Variants in ATG13 observed in about 807,000 individuals in gnomAD.
ATG13 encodes autophagy related 13.
Under a neutral mutation model 65.5 loss-of-function variants are expected in ATG13, and 23 were observed. The ratio of observed to expected loss-of-function variants is 0.35; its 90% CI spans 0.25 to 0.50. ATG13 has a LOEUF of 0.50. Among genes scored for constraint, ATG13 ranks in the 20% least tolerant of loss-of-function variants. The pLI, the probability that ATG13 is intolerant of heterozygous loss-of-function variation, is 0.98. For missense variants in ATG13, 566 were observed against 677.0 expected, an observed-to-expected ratio of 0.84 and a Z score of 1.82; for synonymous variants, 252 against 245.2, an observed-to-expected ratio of 1.03 and a Z score of -0.26.
At chr11:46,633,030 T>A (rs374011261) in intron 2 of ATG13, among the ~76,000 whole-genome samples, 2,763 of 107,954 alleles carry the variant, frequency 0.026, 32 homozygotes, top group Non-Finnish European at 0.036. Flanking sequence ...ATATATATTT[T>A]TTTTTTTTTT....
chr11:46,660,386 G>GTT lies in ATG13; in HGVS notation c.789+914_789+915dup, dbSNP rs34196614. ...GTGTTTTTATTTACTGTTGTTGTTG[G>GTT]TTTTTTTTTTTTTTCAATTTTTCTT... On this transcript the variant is annotated intron_variant, in intron 11 of 18. Coordinates refer to ENST00000683050, the MANE Select transcript of ATG13 (RefSeq NM_001346311.2). 8.5e-3 allele frequency among the ~76,000 whole-genome samples: 1,108 copies of GTT among 130,810 alleles called. 5 individuals carry two copies. Among genetic ancestry groups the GTT allele is most frequent in the East Asian group, 0.013 (57 of 4,518 alleles). The allele number at this position is 130,810 out of a possible 152,430, so 85.8% of individuals were successfully genotyped here. A position where few individuals can be genotyped will look rare whatever the true frequency, so the allele number is the denominator to read the frequency against.
At chr11:46,630,690 G>C (rs569431704) in intron 2 of ATG13, among the ~76,000 whole-genome samples, 7 of 148,834 alleles carry the variant, frequency 4.7e-5, no homozygotes, top group African/African-American at 1.5e-4. Flanking sequence ...GCCTACCTCA[G>C]CCTCCCAGTA....
rs536521034 is a variant in ATG13 at position 46,645,428 on chromosome 11, C to T, written c.150+9C>T. ...CAACGGGTTCAGATTGGGTAAAATT[C>T]TATTATTTACTAAGGTGTATACTGT... On this transcript the variant is annotated intron_variant, in intron 4 of 18. Transcript: ENST00000683050. 4.4e-6 allele frequency: 7 copies of T among 1,607,670 alleles called. No individual in the cohort carries two copies. In the South Asian group the frequency reaches 6.6e-5, roughly 15 times the overall value.
At chr11:46,659,604 G>T in intron 11 of ATG13, 119 bp downstream of exon 11, 3 of 780,446 alleles carry the variant, frequency 3.8e-6, no homozygotes, top group Non-Finnish European at 4.2e-6. Flanking sequence ...GTTTCAAAGG[G>T]GTTACTTTGA....
chr11:46,646,709 C>A (rs1409751053), intron 5 of ATG13, among the ~76,000 whole-genome samples: 2 of 151,944 alleles, frequency 1.3e-5, no homozygotes, highest in Non-Finnish European at 2.9e-5. Flanking sequence ...GGTAATCCGC[C>A]CACTTTCGGC....
At position 46,645,379 on chromosome 11, in the gene ATG13, T is replaced by G; in HGVS notation, c.110T>G (p.Ile37Ser). The change falls in exon 4 of 19, where the codon ATT (isoleucine) becomes AGT (serine). Residue 37 changes from isoleucine (I) to serine (S), a missense_variant. By Grantham distance (142) the Ile-to-Ser change is moderately radical. Transcript: ENST00000683050. ...VIVQARLGEK[I>S]CTRSSSSPTG... The stretch of plus-strand genomic sequence containing the variant: ...GTCCAGGCTCGGCTTGGTGAAAAGA[T>G]TTGCACTCGTTCATCATCTTCTCCA... The G allele has an allele frequency of 6.2e-7, 1 of 1,613,918 alleles. No individual in the cohort carries two copies. The highest frequency in any genetic ancestry group is 1.1e-5 in the South Asian group (1 of 91,074).
chr11:46,670,701 TGG>T (rs937738450), intron 18 of ATG13, among the ~76,000 whole-genome samples: 1 of 151,868 alleles, frequency 6.6e-6, no homozygotes, highest in Non-Finnish European at 1.5e-5. Flanking sequence ...CCAGCTGCCT[TGG>T]GAGGTGGAGG....
intron 2 of ATG13, among the ~76,000 whole-genome samples, chr11:46,642,355 G>A (rs576586092): frequency 7.8e-5 from 11 of 141,760 alleles, no homozygotes; most frequent in Admixed American, 3.0e-4. Flanking sequence ...ACCCAGGCTG[G>A]AGTGCAGTGG....
At chr11:46,619,902 G>A (rs1450285193) in intron 1 of ATG13, among the ~76,000 whole-genome samples, 5 of 150,774 alleles carry the variant, frequency 3.3e-5, no homozygotes, top group Admixed American at 1.3e-4. Flanking sequence ...AGTGTTGGGC[G>A]CCTGTAATCC....
At chr11:46,647,712 A>G (rs2057990605) in intron 5 of ATG13, among the ~76,000 whole-genome samples, 1 of 151,060 alleles carries the variant, frequency 6.6e-6, no homozygotes, top group African/African-American at 2.4e-5. Flanking sequence ...AGCTGGGAGT[A>G]TATGCTGCAC....
At chr11:46,643,369 A>G (rs533284757) in intron 2 of ATG13, among the ~76,000 whole-genome samples, 17 of 152,150 alleles carry the variant, frequency 1.1e-4, no homozygotes, top group Non-Finnish European at 2.1e-4. Context: ...AGCTATGGCC[A>G]TCTTGTTCTG....
At chr11:46,661,087 G>A (rs952803775) in intron 11 of ATG13, among the ~76,000 whole-genome samples, 1 of 151,964 alleles carries the variant, frequency 6.6e-6, no homozygotes, top group South Asian at 2.1e-4. Flanking sequence ...GTGCAGTAGC[G>A]CAATCTTGGC....
chr11:46,655,084 G>A (rs2059750433), intron 7 of ATG13, among the ~76,000 whole-genome samples: 1 of 151,380 alleles, frequency 6.6e-6, no homozygotes, highest in African/African-American at 2.4e-5. Flanking sequence ...GAGCGACAGA[G>A]CGAGACACTG....
At chr11:46,659,276 A>G (rs897657234) in intron 10 of ATG13, 116 bp from the exon 11 acceptor site, 5 of 754,026 alleles carry the variant, frequency 6.6e-6, no homozygotes, top group Non-Finnish European at 1.1e-5. Flanking sequence ...TGCCAGTACG[A>G]ACTGTGTGAA....
intron 1 of ATG13, among the ~76,000 whole-genome samples, chr11:46,619,615 C>A (rs926120729): frequency 6.6e-6 from 1 of 151,504 alleles, no homozygotes. Flanking sequence ...CTTGAACTCC[C>A]GACCTCAGGT....
chr11:46,622,364 G>A (rs1215718810), intron 1 of ATG13, among the ~76,000 whole-genome samples: 1 of 151,720 alleles, frequency 6.6e-6, no homozygotes, highest in Non-Finnish European at 1.5e-5. Flanking sequence ...TGATCCGCCT[G>A]CCTCGGTCTC....
intron 1 of ATG13, among the ~76,000 whole-genome samples, chr11:46,620,882 ACCT>A (rs1240300152): frequency 6.6e-6 from 1 of 152,178 alleles, no homozygotes; most frequent in African/African-American, 2.4e-5. Context: ...ACTTATAGAA[ACCT>A]CCTGTGGAGC....
intron 1 of ATG13, among the ~76,000 whole-genome samples, chr11:46,618,591 T>C (rs2046149952): frequency 6.6e-6 from 1 of 152,220 alleles, no homozygotes; most frequent in Non-Finnish European, 1.5e-5. Flanking sequence ...CCTAAGGTGA[T>C]AGAATTTATT....
chr11:46,672,872 T>A lies in ATG13; in HGVS notation c.*540T>A. 3.6e-6 allele frequency: 4 copies of A among 1,123,942 alleles called. No homozygotes were observed. Among genetic ancestry groups the A allele is most frequent in the Non-Finnish European group, 4.6e-6 (4 of 872,390 alleles). The allele number at this position is 1,123,942 out of a possible 1,614,324, so 69.6% of individuals were successfully genotyped here. A position where few individuals can be genotyped will look rare whatever the true frequency, so the allele number is the denominator to read the frequency against. ...TATCTTCTTCTCCTCTTCTTCTCTCTCTTGCCTCTATGCCTGTATTTCTGG... is the reference window on the plus strand; with the variant it reads ...TATCTTCTTCTCCTCTTCTTCTCTCACTTGCCTCTATGCCTGTATTTCTGG... On this transcript the variant is annotated 3_prime_UTR_variant, in exon 19 of 19. Coordinates refer to ENST00000683050, the MANE Select transcript of ATG13 (RefSeq NM_001346311.2).
Sources: gnomAD v4.1 joint callset for allele counts (sites outside exome capture counted in the v4.1 genomes callset) on GRCh38, gnomAD v4.1.1 for gene constraint, MANE v1.5 for transcripts, NCBI Gene and HGNC (gene_info 2026-07-23, HGNC 2026-07-21) for gene names.